Variants in TJP2 observed in about 807,000 individuals in gnomAD.
TJP2 encodes Friedreich ataxia region gene X104 (tight junction protein ZO-2).
A neutral mutation model predicts 133.1 loss-of-function variants in TJP2; 91 were observed. That is an observed-to-expected ratio of 0.68 (90% CI 0.58 to 0.81). The LOEUF (loss-of-function observed/expected upper bound fraction) is 0.81. TJP2 is among the 40% of genes least tolerant of loss of function. TJP2 has a pLI of 0.00. For missense variants in TJP2, 1,541 were observed against 1,565.6 expected, an observed-to-expected ratio of 0.98 and a Z score of 0.26; for synonymous variants, 592 against 583.4, an observed-to-expected ratio of 1.01 and a Z score of -0.21.
intron 1 of TJP2, among the ~76,000 whole-genome samples, chr9:69,189,478 G>C: frequency 6.6e-6 from 1 of 152,134 alleles, no homozygotes. Flanking sequence ...CTTGCTGAGT[G>C]TGGTGGCATA....
chr9:69,228,249 C>A, intron 9 of TJP2, 135 bp downstream of exon 9: 1 of 1,132,064 alleles, frequency 8.8e-7, no homozygotes, highest in Non-Finnish European at 1.3e-6. Flanking sequence ...AGCTAATTAA[C>A]ATGGTAACAG....
chr9:69,245,370 T>C (rs931118895), intron 17 of TJP2, among the ~76,000 whole-genome samples: 3 of 152,248 alleles, frequency 2.0e-5, no homozygotes, highest in Non-Finnish European at 4.4e-5. Flanking sequence ...TAAGAGGCCA[T>C]GGCAATGTAG....
intron 2 of TJP2, among the ~76,000 whole-genome samples, chr9:69,168,012 A>G (rs1824456063): frequency 6.6e-6 from 1 of 152,240 alleles, no homozygotes; most frequent in Non-Finnish European, 1.5e-5. Flanking sequence ...ATAATTGAAA[A>G]GTGGCAACTT....
intron 1 of TJP2, among the ~76,000 whole-genome samples, chr9:69,148,729 T>C (rs1257290796): frequency 6.6e-6 from 1 of 152,296 alleles, no homozygotes; most frequent in South Asian, 2.1e-4. Flanking sequence ...TTCTGCAAAC[T>C]GTACAGTTGC....
chr9:69,223,069 GAAAA>G (rs57114714), intron 5 of TJP2, among the ~76,000 whole-genome samples: 34 of 114,114 alleles, frequency 3.0e-4, no homozygotes, highest in East Asian at 1.3e-3. Context: ...ACTCTGTCTT[GAAAA>G]AAAAAAAAAA....
In TJP2 at chr9:69,246,805, T is replaced by TA. The variant is rs1360169602; in HGVS notation, c.2667+16dup. On this transcript the variant is annotated intron_variant, in intron 18 of 22. Transcript: ENST00000377245. ...CTGAAGGAAAGGTATGTGGCATAGA[T>TA]ATGCTGCTATGAGGTGAGAGTCCCT... is the stretch of plus-strand genomic sequence containing the variant. The TA allele has an allele frequency of 6.2e-6, 10 of 1,607,268 alleles. No individual in the cohort carries two copies. The highest frequency in any genetic ancestry group is 8.5e-6 in the Non-Finnish European group (10 of 1,173,734).
At chr9:69,179,816 T>C (rs752243281) in intron 1 of TJP2, among the ~76,000 whole-genome samples, 45 of 152,202 alleles carry the variant, frequency 3.0e-4, no homozygotes, top group Non-Finnish European at 6.0e-4. Context: ...AATCTCTTAA[T>C]GGATCTTCCA....
At chr9:69,218,457 A>G (rs985267437) in intron 4 of TJP2, 98 bp downstream of exon 4, 14 of 875,620 alleles carry the variant, frequency 1.6e-5, no homozygotes, top group South Asian at 4.2e-5. Context: ...ACAGAATTAC[A>G]TAACCTAGGG....
At chr9:69,236,891 A>T in intron 13 of TJP2, 58 bp from the exon 14 acceptor site, 1 of 1,568,800 alleles carries the variant, frequency 6.4e-7, no homozygotes, top group Admixed American at 1.7e-5. Flanking sequence ...GATTAATGAA[A>T]TGCATGTTAG....
Position 69,222,404 on chromosome 9 carries a change from G to A in TJP2, c.952+908G>A, listed in dbSNP as rs184019497. On this transcript the variant is annotated intron_variant, in intron 5 of 22. Transcript: ENST00000377245. ...TGGTCTCAAACTCCTGACCTCAGGT[G>A]ATCTGCCCACCTTGGCCTCCCAAAG... Among the ~76,000 whole-genome samples the A allele has an allele frequency of 2.9e-3, 436 of 152,166 alleles. 2 individuals carry two copies. The highest frequency in any genetic ancestry group is 9.8e-3 in the African/African-American group (407 of 41,516).
rs559573135 is a variant in TJP2, at chr9:69,194,263, G to GTAC, written c.61-18282_61-18280dup. Among the ~76,000 whole-genome samples, 103 of 152,188 alleles carry GTAC rather than the reference G, an allele frequency of 6.8e-4. No homozygotes were observed. The Middle Eastern group carries it at 0.017, about 25-fold the overall frequency. On this transcript the variant is annotated intron_variant, in intron 1 of 22. Coordinates refer to ENST00000377245, the MANE Select transcript of TJP2 (RefSeq NM_004817.4). ...TGAATTTCACTGTTTTTGAAAATAA[G>GTAC]TACTATTTTTTTCTTAATACCTGGC...
At chr9:69,158,837 C>T (rs1823907060) in intron 2 of TJP2, among the ~76,000 whole-genome samples, 1 of 152,074 alleles carries the variant, frequency 6.6e-6, no homozygotes, top group Non-Finnish European at 1.5e-5. Flanking sequence ...TGGGGGGGTT[C>T]TTCACTCACA....
At chr9:69,150,364 C>G (rs891397392) in intron 1 of TJP2, among the ~76,000 whole-genome samples, 2 of 149,714 alleles carry the variant, frequency 1.3e-5, no homozygotes, top group Non-Finnish European at 3.0e-5. Flanking sequence ...TGAGATCTCA[C>G]CTCACTGCAA....
intron 2 of TJP2, chr9:69,151,832 A>G: frequency 3.3e-6 from 4 of 1,230,650 alleles, no homozygotes; most frequent in Non-Finnish European, 4.1e-6. Context: ...ATTTGTTCGA[A>G]TAGTTACCGT....
Position 69,177,518 on chromosome 9 carries a change from G to C in TJP2, c.60+3086G>C, listed in dbSNP as rs1414002688. On this transcript the variant is annotated intron_variant, in intron 1 of 22. Coordinates refer to ENST00000377245, the MANE Select transcript of TJP2 (RefSeq NM_004817.4). ...ATGCCCATATAGAAAGTGAATTTGG[G>C]AGGGTCTAAGGTGGTATTACTATTA... 2.6e-5 allele frequency among the ~76,000 whole-genome samples: 4 copies of C among 152,206 alleles called. No individual in the cohort carries two copies. The East Asian group carries it at 7.7e-4, about 29-fold the overall frequency.
At chr9:69,151,480 C>CAAAAA in intron 1 of TJP2, among the ~76,000 whole-genome samples, 1 of 126,294 alleles carries the variant, frequency 7.9e-6, no homozygotes, top group South Asian at 2.6e-4. Flanking sequence ...AACTCCGTCT[C>CAAAAA]AAAAAAAAAA....
intron 2 of TJP2, among the ~76,000 whole-genome samples, chr9:69,164,559 A>T (rs762334962): frequency 2.3e-4 from 35 of 152,358 alleles, no homozygotes; most frequent in South Asian, 1.9e-3. Flanking sequence ...TTGGAGTCAA[A>T]TCGCATTTGT....
At chr9:69,134,540 G>A (rs990156090) in intron 1 of TJP2, among the ~76,000 whole-genome samples, 7 of 152,246 alleles carry the variant, frequency 4.6e-5, no homozygotes, top group Non-Finnish European at 1.0e-4. Context: ...TGAAGCAGTG[G>A]TCACTGGCAC....
At chr9:69,212,524 A>T in intron 1 of TJP2, 24 bp from the exon 2 acceptor site, 1 of 1,590,864 alleles carries the variant, frequency 6.3e-7, no homozygotes, top group African/African-American at 1.3e-5. Flanking sequence ...TTTTCATCAG[A>T]TTGGTTTTGT....
Sources: allele counts gnomAD v4.1 joint callset (sites outside exome capture counted in the v4.1 genomes callset), GRCh38; gene constraint gnomAD v4.1.1; transcripts MANE v1.5; gene names NCBI Gene and HGNC (gene_info 2026-07-23, HGNC 2026-07-21).